KMT2C: variants seen among roughly 807,000 people sequenced by gnomAD.
KMT2C encodes lysine methyltransferase 2C.
A neutral mutation model predicts 507.9 loss-of-function variants in KMT2C; 88 were observed. That is an observed-to-expected ratio of 0.17 (90% confidence interval 0.15 to 0.21). KMT2C has a LOEUF of 0.21. Ranked by LOEUF, KMT2C falls within the 10% of genes least tolerant of loss-of-function variation. KMT2C has a pLI of 1.00. For missense variants in KMT2C, 4,954 were observed against 5,957.8 expected (o/e 0.83, Z 5.55); for synonymous variants, 2,049 against 2,080.8 (o/e 0.98, Z 0.42).
intron 26 of KMT2C, among the ~76,000 whole-genome samples, chr7:152,201,881 C>T (rs1428306655): frequency 6.6e-6 from 1 of 152,032 alleles, no homozygotes; most frequent in Non-Finnish European, 1.5e-5. Context: ...AGATGTTAAA[C>T]AGAACAAAAT....
At chr7:152,215,430 C>T (rs1457617045) in intron 23 of KMT2C, among the ~76,000 whole-genome samples, 2 of 139,126 alleles carry the variant, frequency 1.4e-5, no homozygotes, top group Admixed American at 7.8e-5. Context: ...AGGAGAATGG[C>T]GTGAACCCAG....
chr7:152,388,644 A>C, intron 1 of KMT2C, among the ~76,000 whole-genome samples: 1 of 152,310 alleles, frequency 6.6e-6, no homozygotes, highest in Non-Finnish European at 1.5e-5. Context: ...ACTGAGTTCT[A>C]ACCTGAAGAA....
intron 48 of KMT2C, among the ~76,000 whole-genome samples, chr7:152,153,551 T>C (rs751847678): frequency 1.3e-5 from 2 of 152,220 alleles, no homozygotes; most frequent in Non-Finnish European, 2.9e-5. Flanking sequence ...TTTTCTTCTC[T>C]GTTAACAGTT....
chr7:152,142,788 G>A (rs559922740), intron 55 of KMT2C, among the ~76,000 whole-genome samples: 1 of 152,154 alleles, frequency 6.6e-6, no homozygotes, highest in Non-Finnish European at 1.5e-5. Flanking sequence ...GATCGAGAGG[G>A]ACCTCTGATT....
chr7:152,322,728 C>T (rs565060572), intron 3 of KMT2C, among the ~76,000 whole-genome samples: 2 of 151,786 alleles, frequency 1.3e-5, no homozygotes, highest in African/African-American at 2.4e-5. Context: ...AAGCTCCTTA[C>T]GGCAAATGAA....
rs2129120496 is a variant in KMT2C at position 152,181,897 on chromosome 7, G to A, written c.5963C>T (p.Pro1988Leu). The A allele has an allele frequency of 6.2e-7, 1 of 1,614,190 alleles. No individual in the cohort carries two copies. Among genetic ancestry groups the A allele is most frequent in the South Asian group, 1.1e-5 (1 of 91,082 alleles). The change falls in exon 36 of 59, where the codon CCT becomes CTT. Residue 1988 changes from proline (P) to leucine (L), a missense_variant. By Grantham distance (98) the Pro-to-Leu change is moderately conservative. Around this residue, in one of 29 missense-constraint regions of KMT2C, gnomAD observed 1,689 missense variants for 1,654.3 expected, o/e 1.02. Transcript: ENST00000262189. ...FPKSLGLSRS[P>L]VVSEQTAKGP... is the part of the protein sequence containing the mutation. ...TTTTGCAGTTTGTTCTGAAACTACA[G>A]GAGACCGGGATAGGCCCAAGGATTT...
intron 13 of KMT2C, among the ~76,000 whole-genome samples, 181 bp downstream of exon 13, chr7:152,249,695 A>G (rs2095533263): frequency 1.3e-5 from 2 of 149,184 alleles, no homozygotes; most frequent in East Asian, 1.9e-4. Context: ...AAAAAAAAAA[A>G]AAAACCTTTC....
chr7:152,183,694 C>A (rs755600152), intron 34 of KMT2C, among the ~76,000 whole-genome samples: 3 of 151,790 alleles, frequency 2.0e-5, no homozygotes, highest in African/African-American at 4.8e-5. Context: ...GTCGGGAGTT[C>A]GACACCAGCC....
intron 1 of KMT2C, among the ~76,000 whole-genome samples, chr7:152,431,559 T>C (rs1239203114): frequency 6.7e-6 from 1 of 148,936 alleles, no homozygotes; most frequent in African/African-American, 2.5e-5. Context: ...CGAGCCAAGA[T>C]CGCACCACTG....
chr7:152,159,972 A>T (rs2092346426), intron 43 of KMT2C, among the ~76,000 whole-genome samples: 1 of 152,238 alleles, frequency 6.6e-6, no homozygotes, highest in African/African-American at 2.4e-5. Flanking sequence ...GCCAGATGAT[A>T]AATATTGTAA....
intron 7 of KMT2C, among the ~76,000 whole-genome samples, chr7:152,272,437 A>C (rs552611593): frequency 1.3e-5 from 2 of 152,286 alleles, no homozygotes; most frequent in African/African-American, 2.4e-5. Flanking sequence ...TCCTATATAC[A>C]CACAAAATTG....
intron 3 of KMT2C, among the ~76,000 whole-genome samples, chr7:152,316,897 G>A (rs1031032987): frequency 4.0e-5 from 6 of 151,158 alleles, no homozygotes; most frequent in Non-Finnish European, 7.4e-5. Flanking sequence ...ACCACCTTAT[G>A]CTTTGCCAGT....
At chr7:152,211,688 G>A (rs1357933277) in intron 23 of KMT2C, among the ~76,000 whole-genome samples, 1 of 152,186 alleles carries the variant, frequency 6.6e-6, no homozygotes, top group Non-Finnish European at 1.5e-5. Flanking sequence ...TATCACTGTA[G>A]GCTAAAGTCT....
At position 152,335,228 on chromosome 7, in the gene KMT2C, ACT is replaced by A. The variant is rs530192607; in HGVS notation, c.251-4491_251-4490del. On this transcript the variant is annotated intron_variant, in intron 2 of 58. Transcript: ENST00000262189. ...AAAAGAATACAGTTCTGCTAGAGAG[ACT>A]CTCTCTGCCTGCCTATTATATTCAA... Among the ~76,000 whole-genome samples, 65 of 152,100 alleles carry A rather than the reference ACT, an allele frequency of 4.3e-4. 1 individual carries two copies. The highest frequency in any genetic ancestry group is 1.9e-3 in the Admixed American group (29 of 15,288).
At chr7:152,303,030 A>C (rs1323908734) in intron 6 of KMT2C, among the ~76,000 whole-genome samples, 1 of 152,078 alleles carries the variant, frequency 6.6e-6, no homozygotes, top group Non-Finnish European at 1.5e-5. Context: ...CAAATTATCC[A>C]GATTTCCAAG....
chr7:152,434,633 G>A (rs950665923), intron 1 of KMT2C, among the ~76,000 whole-genome samples: 9 of 152,150 alleles, frequency 5.9e-5, no homozygotes, highest in Admixed American at 1.3e-4. Flanking sequence ...ACAACTTCGA[G>A]AGACATTCAC....
At chr7:152,325,444 G>A (rs978537114) in intron 3 of KMT2C, among the ~76,000 whole-genome samples, 6 of 150,706 alleles carry the variant, frequency 4.0e-5, no homozygotes, top group East Asian at 1.9e-4. Flanking sequence ...CACCGCACCC[G>A]GCCCCTTTTC....
intron 7 of KMT2C, among the ~76,000 whole-genome samples, chr7:152,271,883 C>T (rs886470630): frequency 6.6e-6 from 1 of 151,814 alleles, no homozygotes; most frequent in Non-Finnish European, 1.5e-5. Context: ...TATCAAGTGA[C>T]GTCTTGTTAT....
chr7:152,262,694 C>T (rs567487597), intron 9 of KMT2C, among the ~76,000 whole-genome samples: 7 of 152,230 alleles, frequency 4.6e-5, no homozygotes, highest in African/African-American at 9.6e-5. Context: ...AGACCAAAAA[C>T]GAGTATATAG....
Sources: gnomAD v4.1 joint callset for allele counts (sites outside exome capture counted in the v4.1 genomes callset) on GRCh38, gnomAD v4.1.1 for gene constraint, gnomAD v4.1.1 regional missense constraint, MANE v1.5 for transcripts, NCBI Gene and HGNC (gene_info 2026-07-23, HGNC 2026-07-21) for gene names.